Variants in MRPS35 observed in about 807,000 individuals in gnomAD.
MRPS35 encodes small ribosomal subunit protein mS35.
Under a neutral mutation model 32.7 loss-of-function variants are expected in MRPS35, and 29 were observed. The observed-to-expected ratio is 0.89, with a 90% confidence interval of 0.66 to 1.21. The LOEUF (loss-of-function observed/expected upper bound fraction) is 1.21, where lower values mean the gene tolerates loss of function less well. Among genes scored for constraint, MRPS35 ranks in the 50% most tolerant of loss-of-function variants. The pLI, the probability that MRPS35 is intolerant of heterozygous loss-of-function variation, is 0.00. For synonymous variants in MRPS35, 148 were observed against 139.3 expected (o/e 1.06, Z -0.44); for missense variants, 373 against 383.8 (o/e 0.97, Z 0.23).
intron 7 of MRPS35, among the ~76,000 whole-genome samples, chr12:27,749,987 C>G (rs1179090596): frequency 2.0e-5 from 3 of 152,150 alleles, no homozygotes; most frequent in Non-Finnish European, 4.4e-5. Context: ...TGACCTTGAG[C>G]AAAACTTAGC....
intron 7 of MRPS35, among the ~76,000 whole-genome samples, chr12:27,748,596 T>C (rs561338376): frequency 6.6e-6 from 1 of 152,262 alleles, no homozygotes; most frequent in African/African-American, 2.4e-5. Context: ...AAAATGGTAT[T>C]TTTAATTGCC....
At chr12:27,712,748 G>A (rs1037958452) in intron 1 of MRPS35, among the ~76,000 whole-genome samples, 3 of 152,214 alleles carry the variant, frequency 2.0e-5, no homozygotes, top group Non-Finnish European at 4.4e-5. Context: ...TGAGTGTGGG[G>A]GCTCATTCCT....
intron 7 of MRPS35, among the ~76,000 whole-genome samples, chr12:27,746,186 A>G (rs2061981442): frequency 6.6e-6 from 1 of 152,194 alleles, no homozygotes; most frequent in Non-Finnish European, 1.5e-5. Flanking sequence ...GATTGTGAAT[A>G]ATTTCTCCAG....
intron 7 of MRPS35, among the ~76,000 whole-genome samples, chr12:27,745,140 C>T (rs1442388873): frequency 2.6e-5 from 4 of 152,198 alleles, no homozygotes; most frequent in African/African-American, 9.7e-5. Context: ...AAAAGTGCTT[C>T]AAAATACTTT....
intron 7 of MRPS35, among the ~76,000 whole-genome samples, chr12:27,751,102 C>CAAAAAA (rs71438703): frequency 1.4e-3 from 55 of 37,984 alleles, no homozygotes; most frequent in African/African-American, 3.5e-3. Context: ...GACTCCATCT[C>CAAAAAA]AAAAAAAAAA....
At chr12:27,754,154 T>C (rs2062017107) in intron 7 of MRPS35, among the ~76,000 whole-genome samples, 1 of 152,016 alleles carries the variant, frequency 6.6e-6, no homozygotes, top group South Asian at 2.1e-4. Flanking sequence ...CTCAGGAGGC[T>C]GAGGCAAGAG....
At chr12:27,737,491 T>C (rs1244273643) in intron 6 of MRPS35, 48 bp from the exon 7 acceptor site, 10 of 1,481,246 alleles carry the variant, frequency 6.8e-6, no homozygotes, top group Non-Finnish European at 9.4e-6. Flanking sequence ...AATTTTTCTG[T>C]GTACTGAGTT....
intron 7 of MRPS35, among the ~76,000 whole-genome samples, chr12:27,746,240 C>CT (rs974111747): frequency 3.3e-5 from 5 of 152,010 alleles, no homozygotes; most frequent in Admixed American, 3.3e-4. Context: ...GTTGGCTTGT[C>CT]TTTTTTAAGA....
Position 27,751,526 on chromosome 12 carries a change from C to A in MRPS35, c.703-3655C>A, listed in dbSNP as rs76375147. ...CTTACACTGTCCACCTTTATCTCGG[C>A]GGTTTGCTCCGGCTGTGTGGCTCCC... On this transcript the variant is annotated intron_variant, in intron 7 of 7. Coordinates refer to ENST00000081029, the MANE Select transcript of MRPS35 (RefSeq NM_021821.4). Among the ~76,000 whole-genome samples, 4 of 152,262 alleles carry A rather than the reference C, an allele frequency of 2.6e-5. No individual in the cohort carries two copies. In the East Asian group the frequency reaches 5.8e-4, roughly 22 times the overall value.
Position 27,724,191 on chromosome 12 carries a change from G to T in MRPS35, c.522+5G>T. ...GCACGAGTAGTAGTCTTAAGAGTAAGAGTTTTTTTCATTTTTTTTTTTTAA... is the reference window on the plus strand; with the variant it reads ...GCACGAGTAGTAGTCTTAAGAGTAATAGTTTTTTTCATTTTTTTTTTTTAA... On this transcript the variant is annotated splice_donor_5th_base_variant and intron_variant, in intron 5 of 7. Coordinates refer to ENST00000081029, the MANE Select transcript of MRPS35 (RefSeq NM_021821.4). 1 of 1,545,128 alleles carries T rather than the reference G, an allele frequency of 6.5e-7. No individual in the cohort carries two copies. The highest frequency in any genetic ancestry group is 8.7e-7 in the Non-Finnish European group (1 of 1,151,944).
At chr12:27,725,016 A>G (rs2061893911) in intron 5 of MRPS35, among the ~76,000 whole-genome samples, 1 of 152,176 alleles carries the variant, frequency 6.6e-6, no homozygotes, top group African/African-American at 2.4e-5. Flanking sequence ...TTCTGGGTTC[A>G]ATTGATTGTC....
chr12:27,739,800 G>T (rs2061956680), intron 7 of MRPS35, among the ~76,000 whole-genome samples: 1 of 152,038 alleles, frequency 6.6e-6, no homozygotes, highest in East Asian at 1.9e-4. Context: ...GAATGAATTT[G>T]CCCAGAAGGA....
chr12:27,712,024 T>A (rs1214811997), intron 1 of MRPS35, among the ~76,000 whole-genome samples: 2 of 151,706 alleles, frequency 1.3e-5, no homozygotes. Flanking sequence ...TAGGGTTTAA[T>A]GCTTTGAAGA....
chr12:27,743,038 T>G (rs554920701), intron 7 of MRPS35, among the ~76,000 whole-genome samples: 1 of 151,810 alleles, frequency 6.6e-6, no homozygotes, highest in South Asian at 2.1e-4. Context: ...TTTTTTTATT[T>G]TTTGTAGAGG....
intron 3 of MRPS35, 38 bp downstream of exon 3, chr12:27,716,496 T>C (rs2061851709): frequency 1.2e-6 from 2 of 1,605,332 alleles, no homozygotes; most frequent in Non-Finnish European, 1.7e-6. Flanking sequence ...CAGACTTACA[T>C]AGAAATAAAT....
chr12:27,747,421 T>A (rs2140781660), intron 7 of MRPS35, among the ~76,000 whole-genome samples: 1 of 152,306 alleles, frequency 6.6e-6, no homozygotes, highest in South Asian at 2.1e-4. Context: ...ATTCAGTAAA[T>A]TTGCATTCAG....
chr12:27,727,085 C>T (rs1400364018), intron 5 of MRPS35, among the ~76,000 whole-genome samples: 3 of 151,680 alleles, frequency 2.0e-5, no homozygotes, highest in Admixed American at 6.6e-5. Flanking sequence ...CTCAGCCTCC[C>T]GAGTAGCTAG....
intron 7 of MRPS35, among the ~76,000 whole-genome samples, chr12:27,752,126 A>G (rs2140786166): frequency 6.6e-6 from 1 of 151,884 alleles, no homozygotes; most frequent in South Asian, 2.1e-4. Flanking sequence ...CGTGCACCTT[A>G]GTCATAGTCC....
intron 7 of MRPS35, among the ~76,000 whole-genome samples, chr12:27,744,748 A>T (rs2061976327): frequency 1.3e-5 from 2 of 152,340 alleles, no homozygotes; most frequent in Non-Finnish European, 2.9e-5. Flanking sequence ...CAGTAATGGT[A>T]AAGTGTAACT....
Sources: gnomAD v4.1 joint callset for allele counts (sites outside exome capture counted in the v4.1 genomes callset) on GRCh38, gnomAD v4.1.1 for gene constraint, MANE v1.5 for transcripts, NCBI Gene and HGNC (gene_info 2026-07-23, HGNC 2026-07-21) for gene names.